ATXN1: variants seen among roughly 807,000 people sequenced by gnomAD.
ATXN1 encodes ataxin 1, also known as ataxin-1.
Under a neutral mutation model 56.4 loss-of-function variants are expected in ATXN1, and 8 were observed. The observed-to-expected ratio is 0.14, with a 90% confidence interval of 0.08 to 0.26. The LOEUF (loss-of-function observed/expected upper bound fraction) is 0.26. Ranked by LOEUF, ATXN1 falls within the 10% of genes least tolerant of loss-of-function variation. The probability of loss-of-function intolerance (pLI) is 1.00; values close to 1 mark genes in which losing one functional copy is unlikely to be tolerated. For synonymous variants in ATXN1, 514 were observed against 494.6 expected (o/e 1.04, Z -0.52); for missense variants, 987 against 1,106.5 (o/e 0.89, Z 1.53).
intron 5 of ATXN1, among the ~76,000 whole-genome samples, chr6:16,503,274 A>G (rs1760917381): frequency 6.6e-6 from 1 of 152,202 alleles, no homozygotes; most frequent in African/African-American, 2.4e-5. Flanking sequence ...TCCTCAGGCT[A>G]CTGGAGAATG....
intron 5 of ATXN1, among the ~76,000 whole-genome samples, chr6:16,496,869 T>C (rs777338617): frequency 6.6e-6 from 1 of 152,108 alleles, no homozygotes; most frequent in Non-Finnish European, 1.5e-5. Flanking sequence ...CCCATTTCTA[T>C]TAGGAGAAAG....
intron 5 of ATXN1, among the ~76,000 whole-genome samples, chr6:16,504,393 A>G (rs1760942527): frequency 1.3e-5 from 2 of 152,260 alleles, no homozygotes; most frequent in Admixed American, 6.5e-5. Flanking sequence ...TTGTCATTTT[A>G]ACATTTCTGA....
intron 7 of ATXN1, among the ~76,000 whole-genome samples, chr6:16,310,849 A>G (rs1474310529): frequency 1.3e-5 from 2 of 152,212 alleles, no homozygotes; most frequent in East Asian, 1.9e-4. Context: ...AAGTACCAAA[A>G]AAACTTTAAA....
intron 3 of ATXN1, among the ~76,000 whole-genome samples, chr6:16,605,911 T>C (rs988094101): frequency 8.5e-5 from 13 of 152,130 alleles, no homozygotes; most frequent in African/African-American, 3.1e-4. Context: ...GAGGATCACT[T>C]GAGCCCAGGA....
At chr6:16,312,415 G>A (rs559592944) in intron 7 of ATXN1, among the ~76,000 whole-genome samples, 1 of 151,998 alleles carries the variant, frequency 6.6e-6, no homozygotes, top group East Asian at 1.9e-4. Context: ...TTTGTTTAAA[G>A]GGTTTTACCC....
chr6:16,487,833 T>C (rs557614270), intron 5 of ATXN1, among the ~76,000 whole-genome samples: 1 of 152,278 alleles, frequency 6.6e-6, no homozygotes, highest in Non-Finnish European at 1.5e-5. Context: ...CAGGAAGGCT[T>C]CTCTTACAAA....
At chr6:16,533,415 T>G (rs762378774) in intron 4 of ATXN1, among the ~76,000 whole-genome samples, 2 of 152,114 alleles carry the variant, frequency 1.3e-5, no homozygotes, top group African/African-American at 2.4e-5. Flanking sequence ...CATCTAGGAA[T>G]CACTTGGACT....
intron 6 of ATXN1, among the ~76,000 whole-genome samples, chr6:16,350,559 G>A (rs1456861158): frequency 1.3e-5 from 2 of 152,188 alleles, no homozygotes; most frequent in Admixed American, 1.3e-4. Flanking sequence ...AATTGTGTCA[G>A]TCTTTCTTCA....
intron 2 of ATXN1, among the ~76,000 whole-genome samples, chr6:16,671,228 C>G (rs1382783635): frequency 2.6e-5 from 4 of 151,782 alleles, no homozygotes; most frequent in Non-Finnish European, 5.9e-5. Flanking sequence ...TAAGAAGTAT[C>G]TGCTATGGAT....
chr6:16,453,947 C>T (rs979823526), intron 6 of ATXN1, among the ~76,000 whole-genome samples: 1 of 151,906 alleles, frequency 6.6e-6, no homozygotes, highest in African/African-American at 2.4e-5. Flanking sequence ...TCAAGACCAG[C>T]CTGGCCAACA....
intron 4 of ATXN1, among the ~76,000 whole-genome samples, chr6:16,577,787 T>C (rs1762451191): frequency 6.6e-6 from 1 of 152,186 alleles, no homozygotes; most frequent in African/African-American, 2.4e-5. Context: ...CTCCATGCCA[T>C]AAGAAATTGC....
rs1456040454 is a variant in ATXN1, at chr6:16,648,440, A to C, written c.-489+9336T>G. Among the ~76,000 whole-genome samples the C allele has an allele frequency of 6.6e-5, 10 of 152,354 alleles. No homozygotes were observed. In the South Asian group the frequency reaches 1.9e-3, roughly 28 times the overall value. On this transcript the variant is annotated intron_variant, in intron 3 of 7. Transcript: ENST00000436367. ...TGAGCCCTGGCTCTCATGAAAGTGC[A>C]ACAAAATATAGTCAGTACCTCCTGA...
chr6:16,506,286 T>C lies in ATXN1; in HGVS notation c.-299+16341A>G, dbSNP rs1161531637. Among the ~76,000 whole-genome samples, 1 of 152,246 alleles carries C rather than the reference T, an allele frequency of 6.6e-6. No individual in the cohort carries two copies. ...GCATCGTTTCAAGTTCATCATTTTA[T>C]TAAGCAATGAGTCAAATGAAGAAAG... On this transcript the variant is annotated intron_variant, in intron 5 of 7. Coordinates refer to ENST00000436367, the MANE Select transcript of ATXN1 (RefSeq NM_001128164.2). The surrounding 1 kb of genome is among the most constrained non-coding windows in gnomAD (Gnocchi z 4.1).
At position 16,522,530 on chromosome 6, in the gene ATXN1, G is replaced by A. The variant is rs1761313174; in HGVS notation, c.-299+97C>T. ...GTTCCAAGCAGGAGAAAACTAGAGA[G>A]TGCATGCTGTCACACACTTTTTCTT... On this transcript the variant is annotated intron_variant, in intron 5 of 7. Coordinates refer to ENST00000436367, the MANE Select transcript of ATXN1 (RefSeq NM_001128164.2). 3.9e-5 allele frequency: 6 copies of A among 152,144 alleles called. No homozygotes were observed. In the South Asian group the frequency reaches 1.2e-3, roughly 32 times the overall value. 9.4% of individuals were successfully genotyped at this position (152,144 alleles called of 1,614,324 possible). A position where few individuals can be genotyped will look rare whatever the true frequency, so the allele number is the denominator to read the frequency against.
intron 2 of ATXN1, chr6:16,738,775 A>G (rs547726135): frequency 1.3e-5 from 2 of 152,366 alleles, no homozygotes; most frequent in Admixed American, 1.3e-4. Flanking sequence ...TTTGTCCATA[A>G]AACAACCCTA....
intron 2 of ATXN1, among the ~76,000 whole-genome samples, chr6:16,696,072 C>T (rs1759159101): frequency 6.6e-6 from 1 of 152,118 alleles, no homozygotes; most frequent in Non-Finnish European, 1.5e-5. Context: ...ATATTAATGT[C>T]TTATTTAACC....
chr6:16,464,852 TACAACAGGAAGAATGA>T (rs1171884652), intron 6 of ATXN1, among the ~76,000 whole-genome samples: 1 of 152,012 alleles, frequency 6.6e-6, no homozygotes, highest in African/African-American at 2.4e-5. Flanking sequence ...ACACAGAATG[TACAACAGGAAGAATGA>T]ACTCTAACAT....
intron 6 of ATXN1, among the ~76,000 whole-genome samples, chr6:16,335,797 A>G (rs1353160811): frequency 1.3e-5 from 2 of 152,210 alleles, no homozygotes; most frequent in Non-Finnish European, 2.9e-5. Flanking sequence ...ACAGAGGCAA[A>G]GGCCCTGTGG....
intron 2 of ATXN1, among the ~76,000 whole-genome samples, chr6:16,696,609 A>G (rs1759170685): frequency 6.6e-6 from 1 of 152,226 alleles, no homozygotes; most frequent in South Asian, 2.1e-4. Context: ...AAAATTAAAT[A>G]TTTAAATCTT....
Sources: allele counts gnomAD v4.1 joint callset (sites outside exome capture counted in the v4.1 genomes callset), GRCh38; gene constraint gnomAD v4.1.1; non-coding constraint Gnocchi (gnomAD v3.1); transcripts MANE v1.5; gene names NCBI Gene and HGNC (gene_info 2026-07-23, HGNC 2026-07-21).